Variants in HMGN1 observed in about 807,000 individuals in gnomAD.
HMGN1 encodes high mobility group nucleosome binding domain 1, also known as non-histone chromosomal protein HMG-14.
A neutral mutation model predicts 18.4 loss-of-function variants in HMGN1; 9 were observed. The ratio of observed to expected loss-of-function variants is 0.49; its 90% CI spans 0.29 to 0.85. The LOEUF (loss-of-function observed/expected upper bound fraction) is 0.85. HMGN1 is among the 40% of genes least tolerant of loss of function. The pLI is 0.07. For synonymous variants in HMGN1, 59 were observed against 45.0 expected, an observed-to-expected ratio of 1.31 and a Z score of -1.24; for missense variants, 151 against 119.2, an observed-to-expected ratio of 1.27 and a Z score of -1.24.
chr21:39,343,292 ACT>A, intron 5 of HMGN1, 133 bp from the exon 6 acceptor site: 1 of 809,948 alleles, frequency 1.2e-6, no homozygotes, highest in Non-Finnish European at 2.0e-6. Context: ...TTGTTAAAAA[ACT>A]TTTGTTAACC....
At chr21:39,347,488 T>C (rs968630295) in intron 4 of HMGN1, 7 of 1,263,254 alleles carry the variant, frequency 5.5e-6, no homozygotes, top group East Asian at 5.6e-5. Flanking sequence ...CCTACACTTT[T>C]AGGAAAGAGG....
chr21:39,348,103 T>C lies in HMGN1; in HGVS notation c.126+189A>G, dbSNP rs970819848. On this transcript the variant is annotated intron_variant, in intron 4 of 5. Coordinates refer to ENST00000380749, the MANE Select transcript of HMGN1 (RefSeq NM_004965.7). ...CTCCTAACATCTGCAGCAGCATTAG[T>C]GTGATATAGTTCTATAAACCAGGAT... is the stretch of plus-strand genomic sequence containing the variant. 5.7e-6 allele frequency: 5 copies of C among 882,384 alleles called. No individual in the cohort carries two copies. The East Asian group carries it at 1.3e-4, about 23-fold the overall frequency. The allele number at this position is 882,384 out of a possible 1,614,324, so 54.7% of individuals were successfully genotyped here.
chr21:39,345,747 A>C lies in HMGN1; in HGVS notation c.127-473T>G, dbSNP rs1244414512. On this transcript the variant is annotated intron_variant, in intron 4 of 5. Coordinates refer to ENST00000380749, the MANE Select transcript of HMGN1 (RefSeq NM_004965.7). The stretch of plus-strand genomic sequence containing the variant: ...ATACCGGAGGAGTCTCGTCGACCGT[A>C]TTCCCACCCATCCCCAAATTTGTTG... The C allele has an allele frequency of 6.7e-6, 7 of 1,038,202 alleles. No homozygotes were observed. The East Asian group carries it at 4.2e-4, about 62-fold the overall frequency. 64.3% of individuals were successfully genotyped at this position (1,038,202 alleles called of 1,614,324 possible).
chr21:39,347,446 C>T, intron 4 of HMGN1: 1 of 1,294,646 alleles, frequency 7.7e-7, no homozygotes, highest in Non-Finnish European at 1.0e-6. Context: ...ATTAATCTTG[C>T]CTCTTCTGAT....
chr21:39,348,844 C>T (rs926682857), intron 1 of HMGN1, 59 bp downstream of exon 1: 104 of 1,048,740 alleles, frequency 9.9e-5, no homozygotes, highest in Non-Finnish European at 1.2e-4. Context: ...CCTCGCGGGG[C>T]CCGGCGGGGC....
At chr21:39,344,549 C>A (rs572779094) in intron 5 of HMGN1, 102 of 152,314 alleles carry the variant, frequency 6.7e-4, no homozygotes, top group African/African-American at 2.4e-3. Context: ...TAGAGGAGTG[C>A]AGTAGTGCTC....
rs747107459 is a variant in HMGN1 at position 39,343,065 on chromosome 21, T to C, written c.*47A>G. 4 of 1,336,726 alleles carry C rather than the reference T, an allele frequency of 3.0e-6. No individual in the cohort carries two copies. In the South Asian group the frequency reaches 3.6e-5, roughly 12 times the overall value. The allele number at this position is 1,336,726 out of a possible 1,614,324, so 82.8% of individuals were successfully genotyped here. ...TTGATAAAAATATTCCTCTGGATTGTACAAGAAGGGAGACAGGGACCACTG... is the reference window on the plus strand; with the variant it reads ...TTGATAAAAATATTCCTCTGGATTGCACAAGAAGGGAGACAGGGACCACTG... On this transcript the variant is annotated 3_prime_UTR_variant, in exon 6 of 6. Coordinates refer to ENST00000380749, the MANE Select transcript of HMGN1 (RefSeq NM_004965.7).
rs905769153 is a variant in HMGN1, at chr21:39,349,078, G to T, written c.-161C>A. 3.6e-6 allele frequency: 3 copies of T among 835,920 alleles called. No individual in the cohort carries two copies. Among genetic ancestry groups the T allele is most frequent in the Non-Finnish European group, 4.7e-6 (3 of 644,766 alleles). The allele number at this position is 835,920 out of a possible 1,614,324, so 51.8% of individuals were successfully genotyped here. A position where few individuals can be genotyped will look rare whatever the true frequency, so the allele number is the denominator to read the frequency against. On this transcript the variant is annotated 5_prime_UTR_variant, in exon 1 of 6. Coordinates refer to ENST00000380749, the MANE Select transcript of HMGN1 (RefSeq NM_004965.7). The stretch of plus-strand genomic sequence containing the variant: ...CTGAGACCCACAGCGGGGGCGGTGG[G>T]AGAACCGGATGGAACCGGATTGGGA...
At chr21:39,346,617 A>C (rs1287249282) in intron 4 of HMGN1, 1 of 152,532 alleles carries the variant, frequency 6.6e-6, no homozygotes, top group East Asian at 1.9e-4. Flanking sequence ...GACCTTCAAA[A>C]TATTTAGTTC....
chr21:39,349,043 G>GC lies in HMGN1; in HGVS notation c.-127dup, dbSNP rs2068584447. On this transcript the variant is annotated 5_prime_UTR_variant, in exon 1 of 6. Coordinates refer to ENST00000380749, the MANE Select transcript of HMGN1 (RefSeq NM_004965.7). ...CCTTGCCGCTGCCACTCCTCCCGCC[G>GC]CCCGAGCTGCTGAGACCCACAGCGG... The GC allele has an allele frequency of 1.9e-6, 2 of 1,068,100 alleles. No individual in the cohort carries two copies. The highest frequency in any genetic ancestry group is 4.7e-5 in the South Asian group (1 of 21,358). 66.2% of individuals were successfully genotyped at this position (1,068,100 alleles called of 1,614,324 possible).
In HMGN1 at chr21:39,342,858, T is replaced by A. The variant is rs565627538; in HGVS notation, c.*254A>T. The A allele has an allele frequency of 1.0e-4, 150 of 1,455,132 alleles. No individual in the cohort carries two copies. The African/African-American group carries it at 1.5e-3, about 15-fold the overall frequency. 90.1% of individuals were successfully genotyped at this position (1,455,132 alleles called of 1,614,324 possible). A position where few individuals can be genotyped will look rare whatever the true frequency, so the allele number is the denominator to read the frequency against. On this transcript the variant is annotated 3_prime_UTR_variant, in exon 6 of 6. Coordinates refer to ENST00000380749, the MANE Select transcript of HMGN1 (RefSeq NM_004965.7). ...AATGTTAAGCTGACACCCGAGACAGTCAGAGCCTCCCATAATTCAATATCC... is the reference window on the plus strand; with the variant it reads ...AATGTTAAGCTGACACCCGAGACAGACAGAGCCTCCCATAATTCAATATCC...
chr21:39,348,711 T>A, intron 1 of HMGN1, 134 bp from the exon 2 acceptor site: 1 of 1,169,288 alleles, frequency 8.6e-7, no homozygotes, highest in Non-Finnish European at 1.1e-6. Flanking sequence ...CCCCCTCAGC[T>A]CCCCCGGCCG....
chr21:39,347,900 A>G, intron 4 of HMGN1: 1 of 1,004,062 alleles, frequency 1.0e-6, no homozygotes, highest in Non-Finnish European at 1.2e-6. Context: ...TGGAAACTGT[A>G]TATATAAAAA....
Position 39,348,044 on chromosome 21 carries a change from G to A in HMGN1, c.126+248C>T, listed in dbSNP as rs1050723100. 1.0e-5 allele frequency: 11 copies of A among 1,058,612 alleles called. No homozygotes were observed. In the Admixed American group the frequency reaches 1.9e-4, roughly 18 times the overall value. The allele number at this position is 1,058,612 out of a possible 1,614,324, so 65.6% of individuals were successfully genotyped here. ...ACGCAAAGAATAAATTTCCTTTGTA[G>A]ACTTAATATTTAATATTTTTTGTCG... On this transcript the variant is annotated intron_variant, in intron 4 of 5. Coordinates refer to ENST00000380749, the MANE Select transcript of HMGN1 (RefSeq NM_004965.7).
chr21:39,345,039 A>G (rs993953994), intron 5 of HMGN1, 107 bp downstream of exon 5: 97 of 1,322,156 alleles, frequency 7.3e-5, no homozygotes, highest in Non-Finnish European at 8.9e-5. Flanking sequence ...TTTGTTCAAT[A>G]TTATAATGAA....
intron 4 of HMGN1, chr21:39,345,832 GA>G (rs780720201): frequency 5.4e-6 from 7 of 1,300,474 alleles, no homozygotes; most frequent in Non-Finnish European, 7.1e-6. Flanking sequence ...CCAATCACCT[GA>G]AAAAAAGCAC....
At chr21:39,344,791 A>G (rs1397414883) in intron 5 of HMGN1, among the ~76,000 whole-genome samples, 1 of 152,234 alleles carries the variant, frequency 6.6e-6, no homozygotes, top group Non-Finnish European at 1.5e-5. Flanking sequence ...AAACATTTTC[A>G]TTAGAAATGA....
chr21:39,348,670 G>A (rs1601562789), intron 1 of HMGN1, 93 bp from the exon 2 acceptor site: 2 of 1,416,906 alleles, frequency 1.4e-6, no homozygotes, highest in African/African-American at 1.5e-5. Context: ...GCCGCGTGAC[G>A]TCACGGCTTC....
chr21:39,342,554 G>C lies in HMGN1; in HGVS notation c.*558C>G. ...CGGCCCACCAGTTCACAACTCAACA[G>C]CACGTACACTACATGTTCAAATCTG... On this transcript the variant is annotated 3_prime_UTR_variant, in exon 6 of 6. Coordinates refer to ENST00000380749, the MANE Select transcript of HMGN1 (RefSeq NM_004965.7). 3.5e-6 allele frequency: 1 copy of C among 282,814 alleles called. No homozygotes were observed. The highest frequency in any genetic ancestry group is 7.0e-6 in the Non-Finnish European group (1 of 141,902). 17.5% of individuals were successfully genotyped at this position (282,814 alleles called of 1,614,324 possible).
Sources: gnomAD v4.1 joint callset for allele counts (sites outside exome capture counted in the v4.1 genomes callset) on GRCh38, gnomAD v4.1.1 for gene constraint, MANE v1.5 for transcripts, NCBI Gene and HGNC (gene_info 2026-07-23, HGNC 2026-07-21) for gene names.